Variants in LRRC14 observed in about 807,000 individuals in gnomAD.
The protein encoded by LRRC14 is leucine-rich repeat-containing protein 14.
LRRC14 carries 16 observed loss-of-function variants against 25.3 expected under a neutral mutation model. The ratio of observed to expected loss-of-function variants is 0.63; its 90% confidence interval spans 0.43 to 0.96. LRRC14 has a LOEUF of 0.96. LRRC14 is among the 40% of genes least tolerant of loss of function. The pLI is 0.00. For synonymous variants in LRRC14, 359 were observed against 295.1 expected (o/e 1.22, Z -2.22); for missense variants, 594 against 660.5 (o/e 0.90, Z 1.10).
In LRRC14 at chr8:144,524,752, C is replaced by G. The variant is rs1389651849; in HGVS notation, c.*3274C>G. The stretch of plus-strand genomic sequence containing the variant: ...CCGGGGAAAGAGGAGGCGCTTACCC[C>G]GTTGCGGGGGTCTTCCTCTCCCTGG... On this transcript the variant is annotated 3_prime_UTR_variant, in exon 4 of 4. Coordinates refer to ENST00000292524, the MANE Select transcript of LRRC14 (RefSeq NM_014665.4). The G allele has an allele frequency of 2.1e-6, 3 of 1,438,596 alleles. No individual in the cohort carries two copies. The highest frequency in any genetic ancestry group is 2.7e-6 in the Non-Finnish European group (3 of 1,101,782). The allele number at this position is 1,438,596 out of a possible 1,614,324, so 89.1% of individuals were successfully genotyped here.
intron 1 of LRRC14, chr8:144,518,842 T>C (rs1272457044): frequency 1.3e-5 from 2 of 152,320 alleles, no homozygotes; most frequent in Non-Finnish European, 2.9e-5. Context: ...GGAGTGTTTG[T>C]GCATCTCTGC....
In LRRC14 at chr8:144,524,979, C is replaced by G. The variant is rs1182736584; in HGVS notation, c.*3501C>G. 6.2e-6 allele frequency: 9 copies of G among 1,447,816 alleles called. No homozygotes were observed. Among genetic ancestry groups the G allele is most frequent in the Admixed American group, 2.6e-5 (1 of 37,994 alleles). 89.7% of individuals were successfully genotyped at this position (1,447,816 alleles called of 1,614,324 possible). A position where few individuals can be genotyped will look rare whatever the true frequency, so the allele number is the denominator to read the frequency against. ...TGCGGGGGCCCTCAGGGCCATCTCCCGAGGCCCGGTTCCTCACCGGCCCTT... is the reference window on the plus strand; with the variant it reads ...TGCGGGGGCCCTCAGGGCCATCTCCGGAGGCCCGGTTCCTCACCGGCCCTT... On this transcript the variant is annotated 3_prime_UTR_variant, in exon 4 of 4. Transcript: ENST00000292524.
rs1645547516 is a variant in LRRC14 at position 144,522,215 on chromosome 8, C to T, written c.*737C>T. The T allele has an allele frequency of 2.3e-6, 1 of 436,858 alleles. No individual in the cohort carries two copies. Among genetic ancestry groups the T allele is most frequent in the Non-Finnish European group, 3.8e-6 (1 of 261,518 alleles). The allele number at this position is 436,858 out of a possible 1,614,324, so 27.1% of individuals were successfully genotyped here. A position where few individuals can be genotyped will look rare whatever the true frequency, so the allele number is the denominator to read the frequency against. ...CGGAGGCCCAAGATCCTACTGTGGC[C>T]GGCCAGGGCCAGCGAGGGACCCCCC... On this transcript the variant is annotated 3_prime_UTR_variant, in exon 4 of 4. Transcript: ENST00000292524.
Position 144,522,556 on chromosome 8 carries a change from C to T in LRRC14, c.*1078C>T, listed in dbSNP as rs756704060. 31 of 1,537,098 alleles carry T rather than the reference C, an allele frequency of 2.0e-5. No individual in the cohort carries two copies. The highest frequency in any genetic ancestry group is 2.5e-5 in the Non-Finnish European group (29 of 1,144,676). On this transcript the variant is annotated 3_prime_UTR_variant, in exon 4 of 4. Coordinates refer to ENST00000292524, the MANE Select transcript of LRRC14 (RefSeq NM_014665.4). Reference sequence around the variant, plus strand: ...CCTGTTCCGGGCCGCAGTCAGCGGGCGCCTCCGCCGGACCCTCGGCGAAGA... The same window carrying T: ...CCTGTTCCGGGCCGCAGTCAGCGGGTGCCTCCGCCGGACCCTCGGCGAAGA...
At chr8:144,519,561 C>G (rs976622921) in intron 1 of LRRC14, 54 bp from the exon 2 acceptor site, 3 of 641,456 alleles carry the variant, frequency 4.7e-6, no homozygotes, top group Non-Finnish European at 5.4e-6. Flanking sequence ...CGCTAGGCAT[C>G]TAATAGGTGC....
In LRRC14 at chr8:144,524,489, C is replaced by T. The variant is rs758113793; in HGVS notation, c.*3011C>T. The T allele has an allele frequency of 2.5e-6, 4 of 1,597,590 alleles. No homozygotes were observed. In the South Asian group the frequency reaches 3.3e-5, roughly 13 times the overall value. ...CCAGCAGCCGCGCCAGCTGGTTGCCCGCCAGGTAGAGCACGCGCAGCTGGG... is the reference window on the plus strand; with the variant it reads ...CCAGCAGCCGCGCCAGCTGGTTGCCTGCCAGGTAGAGCACGCGCAGCTGGG... On this transcript the variant is annotated 3_prime_UTR_variant, in exon 4 of 4. Coordinates refer to ENST00000292524, the MANE Select transcript of LRRC14 (RefSeq NM_014665.4).
Position 144,520,710 on chromosome 8 carries a change from G to A in LRRC14, c.802G>A (p.Asp268Asn), listed in dbSNP as rs1313699054. The change falls in exon 3 of 4, where the codon GAT becomes AAT. Residue 268 changes from aspartate to asparagine, a missense_variant. By Grantham distance (23) the Asp-to-Asn change is conservative (BLOSUM62 1). Coordinates refer to ENST00000292524, the MANE Select transcript of LRRC14 (RefSeq NM_014665.4). ...VHGDSRQPSV[D>N]GEDNFRYFLA... Reference sequence around the variant, plus strand: ...TGGGGATTCAAGGCAGCCCTCCGTGGATGGCGAGGACAACTTCCGCTACTT... The same window carrying A: ...TGGGGATTCAAGGCAGCCCTCCGTGAATGGCGAGGACAACTTCCGCTACTT... 6.3e-7 allele frequency: 1 copy of A among 1,599,554 alleles called. No homozygotes were observed. Among genetic ancestry groups the A allele is most frequent in the Admixed American group, 1.7e-5 (1 of 60,026 alleles).
Position 144,524,624 on chromosome 8 carries a change from G to A in LRRC14, c.*3146G>A, listed in dbSNP as rs1431898760. ...AGGCGCCGGCCTCCAGGGCGCGCAG[G>A]CTGTTGTTGTGCAGGTAGAGCCGGC... On this transcript the variant is annotated 3_prime_UTR_variant, in exon 4 of 4. Coordinates refer to ENST00000292524, the MANE Select transcript of LRRC14 (RefSeq NM_014665.4). 3.9e-6 allele frequency: 6 copies of A among 1,523,268 alleles called. No homozygotes were observed. The highest frequency in any genetic ancestry group is 3.6e-5 in the South Asian group (3 of 82,632). 94.4% of individuals were successfully genotyped at this position (1,523,268 alleles called of 1,614,324 possible).
At position 144,524,627 on chromosome 8, in the gene LRRC14, G is replaced by A. The variant is rs1816284245; in HGVS notation, c.*3149G>A. 1 of 1,522,480 alleles carries A rather than the reference G, an allele frequency of 6.6e-7. No individual in the cohort carries two copies. The highest frequency in any genetic ancestry group is 8.7e-7 in the Non-Finnish European group (1 of 1,142,928). 94.3% of individuals were successfully genotyped at this position (1,522,480 alleles called of 1,614,324 possible). A position where few individuals can be genotyped will look rare whatever the true frequency, so the allele number is the denominator to read the frequency against. On this transcript the variant is annotated 3_prime_UTR_variant, in exon 4 of 4. Transcript: ENST00000292524. ...CGCCGGCCTCCAGGGCGCGCAGGCT[G>A]TTGTTGTGCAGGTAGAGCCGGCGCA...
Position 144,520,432 on chromosome 8 carries a change from G to A in LRRC14, c.524G>A (p.Arg175Gln), listed in dbSNP as rs1160294254. 3.1e-6 allele frequency: 5 copies of A among 1,599,314 alleles called. No homozygotes were observed. The highest frequency in any genetic ancestry group is 1.3e-5 in the African/African-American group (1 of 74,782). ...VEVRVDLRVNRASYAFLREAL... is the reference protein window; with the variant it reads ...VEVRVDLRVNQASYAFLREAL... ...GTGCGCGTGGACCTGCGGGTGAACC[G>A]GGCCTCCTATGCGTTCCTGCGGGAG... The change falls in exon 3 of 4, where the codon CGG (arginine) becomes CAG (glutamine). Residue 175 changes from arginine (R) to glutamine (Q), a missense_variant. Physicochemically the swap from Arg to Gln is conservative, Grantham distance 43. Transcript: ENST00000292524.
chr8:144,519,556 G>A, intron 1 of LRRC14, 59 bp from the exon 2 acceptor site: 1 of 628,966 alleles, frequency 1.6e-6, no homozygotes, highest in Non-Finnish European at 2.8e-6. Context: ...CCCAGCGCTA[G>A]GCATCTAATA....
In LRRC14 at chr8:144,524,997, CG is replaced by C. The variant is rs1170364657; in HGVS notation, c.*3521del. Reference sequence around the variant, plus strand: ...CATCTCCCGAGGCCCGGTTCCTCACCGGCCCTTCCGCGGTTCAGCCGCAGAC... The same window carrying C: ...CATCTCCCGAGGCCCGGTTCCTCACCGCCCTTCCGCGGTTCAGCCGCAGAC... On this transcript the variant is annotated 3_prime_UTR_variant, in exon 4 of 4. Coordinates refer to ENST00000292524, the MANE Select transcript of LRRC14 (RefSeq NM_014665.4). 11 of 1,427,238 alleles carry C rather than the reference CG, an allele frequency of 7.7e-6. No individual in the cohort carries two copies. Among genetic ancestry groups the C allele is most frequent in the Non-Finnish European group, 1.0e-5 (11 of 1,093,024 alleles). The allele number at this position is 1,427,238 out of a possible 1,614,324, so 88.4% of individuals were successfully genotyped here. A position where few individuals can be genotyped will look rare whatever the true frequency, so the allele number is the denominator to read the frequency against.
chr8:144,523,254 G>T lies in LRRC14; in HGVS notation c.*1776G>T. 3 of 1,610,530 alleles carry T rather than the reference G, an allele frequency of 1.9e-6. No homozygotes were observed. The highest frequency in any genetic ancestry group is 2.5e-6 in the Non-Finnish European group (3 of 1,178,988). Reference sequence around the variant, plus strand: ...TGGACAGAGGGCGGAATGCAGATGAGGCTGCTGTGGGATACGTCCAGGAGA... The same window carrying T: ...TGGACAGAGGGCGGAATGCAGATGATGCTGCTGTGGGATACGTCCAGGAGA... On this transcript the variant is annotated 3_prime_UTR_variant, in exon 4 of 4. Coordinates refer to ENST00000292524, the MANE Select transcript of LRRC14 (RefSeq NM_014665.4).
Position 144,522,506 on chromosome 8 carries a change from GGCACGCGGAGTCCCGGC to G in LRRC14, c.*1029_*1045del, listed in dbSNP as rs1564822997. On this transcript the variant is annotated 3_prime_UTR_variant, in exon 4 of 4. Transcript: ENST00000292524. ...GTGGATCTCGTAGGCGACCGGCGGG[GGCACGCGGAGTCCCGGC>G]CCCGCCCCCTGTTCCGGGCCGCAGT... is the stretch of plus-strand genomic sequence containing the variant. 2 of 1,499,348 alleles carry G rather than the reference GGCACGCGGAGTCCCGGC, an allele frequency of 1.3e-6. No individual in the cohort carries two copies. 92.9% of individuals were successfully genotyped at this position (1,499,348 alleles called of 1,614,324 possible). A position where few individuals can be genotyped will look rare whatever the true frequency, so the allele number is the denominator to read the frequency against.
chr8:144,520,083 C>G (rs1201893973), intron 2 of LRRC14, 29 bp downstream of exon 2: 1 of 1,588,732 alleles, frequency 6.3e-7, no homozygotes, highest in African/African-American at 1.3e-5. Context: ...GGTCGTCAGG[C>G]CAGGGGTGTG....
At position 144,523,278 on chromosome 8, in the gene LRRC14, G is replaced by A; in HGVS notation, c.*1800G>A. On this transcript the variant is annotated 3_prime_UTR_variant, in exon 4 of 4. Coordinates refer to ENST00000292524, the MANE Select transcript of LRRC14 (RefSeq NM_014665.4). ...AGGCTGCTGTGGGATACGTCCAGGA[G>A]ACTCTGGAGCGCCAGGCGCGGGGGC... 1.9e-6 allele frequency: 3 copies of A among 1,611,126 alleles called. No individual in the cohort carries two copies. Among genetic ancestry groups the A allele is most frequent in the South Asian group, 1.1e-5 (1 of 90,882 alleles).
chr8:144,521,596 G>T lies in LRRC14; in HGVS notation c.*118G>T. 1 of 1,092,372 alleles carries T rather than the reference G, an allele frequency of 9.2e-7. No individual in the cohort carries two copies. The highest frequency in any genetic ancestry group is 1.6e-5 in the African/African-American group (1 of 63,222). The allele number at this position is 1,092,372 out of a possible 1,614,324, so 67.7% of individuals were successfully genotyped here. ...GCACTGGTTACTGGTTTCCTGCTGG[G>T]TCTACCTTGCTTCTGGGCACACCTC... On this transcript the variant is annotated 3_prime_UTR_variant, in exon 4 of 4. Transcript: ENST00000292524.
chr8:144,523,483 G>T lies in LRRC14; in HGVS notation c.*2005G>T. The T allele has an allele frequency of 6.8e-7, 1 of 1,474,116 alleles. No homozygotes were observed. Among genetic ancestry groups the T allele is most frequent in the Non-Finnish European group, 8.9e-7 (1 of 1,120,654 alleles). The allele number at this position is 1,474,116 out of a possible 1,614,324, so 91.3% of individuals were successfully genotyped here. On this transcript the variant is annotated 3_prime_UTR_variant, in exon 4 of 4. Transcript: ENST00000292524. ...AGCCTGTGCAGTTGGGGTTTTGCAG[G>T]CCAGGACAGAGGCCTCTTTCCCACC...
Position 144,522,438 on chromosome 8 carries a change from A to G in LRRC14, c.*960A>G. 6 of 1,387,308 alleles carry G rather than the reference A, an allele frequency of 4.3e-6. No homozygotes were observed. Among genetic ancestry groups the G allele is most frequent in the Non-Finnish European group, 4.6e-6 (5 of 1,079,304 alleles). 85.9% of individuals were successfully genotyped at this position (1,387,308 alleles called of 1,614,324 possible). On this transcript the variant is annotated 3_prime_UTR_variant, in exon 4 of 4. Transcript: ENST00000292524. ...GAGCATGCGCGAGGCCGCACCGGCC[A>G]ATCTCCGGCGCCCACGTCATCCGCG...
Sources: allele counts gnomAD v4.1 joint callset, GRCh38; gene constraint gnomAD v4.1.1; transcripts MANE v1.5; gene names NCBI Gene and HGNC (gene_info 2026-07-23, HGNC 2026-07-21).